The following SYT1 variants were observed in gnomAD, a reference collection of about 807,000 sequenced individuals.
SYT1 encodes the protein synaptotagmin 1.
A neutral mutation model predicts 44.8 loss-of-function variants in SYT1; 8 were observed. The ratio of observed to expected loss-of-function variants is 0.18; its 90% CI spans 0.10 to 0.32. The LOEUF (loss-of-function observed/expected upper bound fraction) is 0.32, where lower values mean the gene tolerates loss of function less well. SYT1 is among the 10% of genes least tolerant of loss of function. The pLI is 1.00. For synonymous variants in SYT1, 154 were observed against 188.8 expected, an observed-to-expected ratio of 0.82 and a Z score of 1.51; for missense variants, 286 against 509.3, an observed-to-expected ratio of 0.56 and a Z score of 4.22.
At chr12:79,015,795 A>T (rs1871767617) in intron 2 of SYT1, among the ~76,000 whole-genome samples, 1 of 152,158 alleles carries the variant, frequency 6.6e-6, no homozygotes. Context: ...ACTTCCATGT[A>T]CATACCTATT....
intron 3 of SYT1, among the ~76,000 whole-genome samples, chr12:79,127,062 T>C (rs1021846227): frequency 6.6e-6 from 1 of 152,216 alleles, no homozygotes; most frequent in Non-Finnish European, 1.5e-5. Context: ...TGTTAAAATG[T>C]GTCTCCAAAG....
At chr12:79,157,534 C>T (rs891202710) in intron 3 of SYT1, among the ~76,000 whole-genome samples, 7 of 152,278 alleles carry the variant, frequency 4.6e-5, no homozygotes, top group Admixed American at 4.6e-4. Flanking sequence ...ATAATGTACT[C>T]ATTTGACCTT....
chr12:79,292,439 C>G (rs1268568952), intron 6 of SYT1, among the ~76,000 whole-genome samples: 2 of 152,350 alleles, frequency 1.3e-5, no homozygotes, highest in East Asian at 3.9e-4. Flanking sequence ...CTCACCTTCT[C>G]AGCTTCCTCA....
intron 9 of SYT1, among the ~76,000 whole-genome samples, chr12:79,420,932 G>A (rs117685330): frequency 0.014 from 2,083 of 152,150 alleles, 19 homozygotes; most frequent in Non-Finnish European, 0.021. Context: ...AATTTCTCTC[G>A]TTTAATACCA....
Position 79,101,270 on chromosome 12 carries a change from G to A in SYT1, c.-18+53908G>A, listed in dbSNP as rs77600371. Among the ~76,000 whole-genome samples, 571 of 152,228 alleles carry A rather than the reference G, an allele frequency of 3.8e-3. 4 individuals are homozygous for A. Among genetic ancestry groups the A allele is most frequent in the African/African-American group, 0.011 (447 of 41,548 alleles). ...TGAATAAACAAAATGTGGTATAACC[G>A]TACAATGGAATATTTTTCAGACTTA... On this transcript the variant is annotated intron_variant, in intron 3 of 10. Coordinates refer to ENST00000261205, the MANE Select transcript of SYT1 (RefSeq NM_005639.3).
At chr12:79,200,697 A>G (rs748442506) in intron 3 of SYT1, among the ~76,000 whole-genome samples, 2 of 152,160 alleles carry the variant, frequency 1.3e-5, no homozygotes, top group Non-Finnish European at 2.9e-5. Context: ...TTTCATTCAG[A>G]GAAGAAGTAA....
rs192296557 is a variant in SYT1, at chr12:79,201,540, C to G, written c.-17-15963C>G. Among the ~76,000 whole-genome samples the G allele has an allele frequency of 6.7e-3, 1,016 of 152,242 alleles. 6 individuals are homozygous for G. Among genetic ancestry groups the G allele is most frequent in the Non-Finnish European group, 0.01 (694 of 67,992 alleles). ...GGCTCAAAAATTTGTTTAAAGTCAT[C>G]TTTCGGTGTGACTGACACTACCCAA... On this transcript the variant is annotated intron_variant, in intron 3 of 10. Coordinates refer to ENST00000261205, the MANE Select transcript of SYT1 (RefSeq NM_005639.3).
chr12:79,291,716 A>G (rs989325042), intron 5 of SYT1: 18 of 498,560 alleles, frequency 3.6e-5, no homozygotes, highest in South Asian at 2.6e-4. Flanking sequence ...AGAGCCAAAT[A>G]CAACACCAAG....
chr12:79,205,458 AT>A (rs1333510970), intron 3 of SYT1, among the ~76,000 whole-genome samples: 3 of 152,296 alleles, frequency 2.0e-5, no homozygotes, highest in Admixed American at 6.5e-5. Context: ...CTGCAATGAT[AT>A]TTTATTTATA....
intron 2 of SYT1, among the ~76,000 whole-genome samples, chr12:78,983,761 T>G (rs1275160110): frequency 6.6e-6 from 1 of 152,032 alleles, no homozygotes; most frequent in African/African-American, 2.4e-5. Flanking sequence ...AAAAATTTCG[T>G]GTTTGAAGTT....
At chr12:78,919,377 G>A (rs1876852115) in intron 1 of SYT1, among the ~76,000 whole-genome samples, 1 of 152,038 alleles carries the variant, frequency 6.6e-6, no homozygotes, top group Admixed American at 6.6e-5. Context: ...GTGAGACCAG[G>A]GAGCTGAACA....
chr12:78,882,833 G>A (rs1303001732), intron 1 of SYT1, among the ~76,000 whole-genome samples: 2 of 151,542 alleles, frequency 1.3e-5, no homozygotes, highest in East Asian at 3.9e-4. Context: ...TTATCCAATT[G>A]TTTTGATAAT....
chr12:79,230,066 G>T (rs1875779472), intron 4 of SYT1, among the ~76,000 whole-genome samples: 1 of 152,146 alleles, frequency 6.6e-6, no homozygotes, highest in Non-Finnish European at 1.5e-5. Context: ...ATGAAGAATT[G>T]TTCTGAATCC....
intron 4 of SYT1, among the ~76,000 whole-genome samples, chr12:79,285,566 T>C (rs748064675): frequency 3.3e-5 from 5 of 152,072 alleles, no homozygotes; most frequent in Admixed American, 6.6e-5. Context: ...AGGGAGGAGA[T>C]GACATTTGAC....
intron 2 of SYT1, among the ~76,000 whole-genome samples, chr12:78,999,851 C>T (rs947638821): frequency 3.3e-5 from 5 of 152,108 alleles, no homozygotes; most frequent in African/African-American, 9.7e-5. Context: ...TGAGAGAAAA[C>T]GTTCTAATCA....
At chr12:79,223,570 A>C (rs1875303753) in intron 4 of SYT1, among the ~76,000 whole-genome samples, 1 of 152,152 alleles carries the variant, frequency 6.6e-6, no homozygotes, top group African/African-American at 2.4e-5. Context: ...TGTGGCCATA[A>C]GAGTGGTGCC....
At chr12:78,995,476 C>T (rs1474350657) in intron 2 of SYT1, among the ~76,000 whole-genome samples, 7 of 152,176 alleles carry the variant, frequency 4.6e-5, no homozygotes, top group Admixed American at 4.6e-4. Flanking sequence ...ATTTGGGCAG[C>T]TTTCTCCAGA....
chr12:79,342,787 C>A (rs964365606), intron 8 of SYT1, among the ~76,000 whole-genome samples: 3 of 152,150 alleles, frequency 2.0e-5, no homozygotes, highest in African/African-American at 7.2e-5. Context: ...TTGTTGAAAT[C>A]GAGTGAACCA....
At chr12:79,429,235 C>G (rs150090616) in intron 9 of SYT1, among the ~76,000 whole-genome samples, 9 of 152,250 alleles carry the variant, frequency 5.9e-5, no homozygotes, top group South Asian at 4.2e-4. Context: ...GAAACGGAGT[C>G]TCGCTCTGTT....
Sources: allele counts gnomAD v4.1 joint callset (sites outside exome capture counted in the v4.1 genomes callset), GRCh38; gene constraint gnomAD v4.1.1; transcripts MANE v1.5; gene names NCBI Gene and HGNC (gene_info 2026-07-23, HGNC 2026-07-21).